Variants in EPB41L4A observed in about 807,000 individuals in gnomAD.
The protein encoded by EPB41L4A is erythrocyte membrane protein band 4.1 like 4A.
Under a neutral mutation model 108.6 loss-of-function variants are expected in EPB41L4A, and 100 were observed. The ratio of observed to expected loss-of-function variants is 0.92; its 90% confidence interval spans 0.78 to 1.09. EPB41L4A has a LOEUF of 1.09. EPB41L4A is among the 50% of genes least tolerant of loss of function. The pLI is 0.00. For synonymous variants in EPB41L4A, 319 were observed against 289.0 expected, an observed-to-expected ratio of 1.10 and a Z score of -1.05; for missense variants, 1,030 against 842.7, an observed-to-expected ratio of 1.22 and a Z score of -2.75.
At chr5:112,367,654 G>A (rs1239866969) in intron 1 of EPB41L4A, among the ~76,000 whole-genome samples, 2 of 152,154 alleles carry the variant, frequency 1.3e-5, no homozygotes, top group South Asian at 2.1e-4. Context: ...CAGCAAGTGC[G>A]TCACAAATTC....
intron 12 of EPB41L4A, 117 bp downstream of exon 12, chr5:112,234,517 T>C: frequency 1.1e-6 from 1 of 932,446 alleles, no homozygotes; most frequent in South Asian, 3.7e-5. Context: ...AAAATTTTAA[T>C]ATTGGAAATT....
intron 1 of EPB41L4A, among the ~76,000 whole-genome samples, chr5:112,379,675 C>A (rs1760039846): frequency 6.6e-6 from 1 of 152,304 alleles, no homozygotes; most frequent in East Asian, 1.9e-4. Flanking sequence ...ACGACCAACA[C>A]TTAACATAAA....
At chr5:112,360,290 CTCTCCCCTTTGCACGG>C (rs1009270628) in intron 1 of EPB41L4A, among the ~76,000 whole-genome samples, 21 of 152,238 alleles carry the variant, frequency 1.4e-4, no homozygotes, top group Admixed American at 5.2e-4. Flanking sequence ...ACCCTCTCCC[CTCTCCCCTTTGCACGG>C]TCTCCCTCTG....
intron 1 of EPB41L4A, among the ~76,000 whole-genome samples, chr5:112,377,128 C>T (rs534585458): frequency 2.7e-5 from 4 of 150,614 alleles, no homozygotes; most frequent in African/African-American, 4.9e-5. Context: ...TCACTCAAGC[C>T]GTGGGGGTCA....
intron 2 of EPB41L4A, among the ~76,000 whole-genome samples, chr5:112,300,919 G>C (rs1561551826): frequency 6.6e-6 from 1 of 151,922 alleles, no homozygotes; most frequent in Non-Finnish European, 1.5e-5. Context: ...TCTTTATTCT[G>C]CTTGTTCGAG....
chr5:112,251,609 G>A (rs1750677127), intron 9 of EPB41L4A, among the ~76,000 whole-genome samples: 1 of 152,138 alleles, frequency 6.6e-6, no homozygotes, highest in Admixed American at 6.6e-5. Context: ...GAAACACAGG[G>A]AGGATTAACC....
At chr5:112,278,137 T>C (rs1286053817) in intron 3 of EPB41L4A, among the ~76,000 whole-genome samples, 1 of 152,232 alleles carries the variant, frequency 6.6e-6, no homozygotes, top group African/African-American at 2.4e-5. Context: ...CTATTAGAGA[T>C]TTGATAGCCA....
chr5:112,297,312 A>T (rs1754058612), intron 2 of EPB41L4A, among the ~76,000 whole-genome samples: 1 of 151,786 alleles, frequency 6.6e-6, no homozygotes, highest in South Asian at 2.1e-4. Context: ...TTATTTTTTT[A>T]TTTTTTTGAT....
intron 9 of EPB41L4A, among the ~76,000 whole-genome samples, chr5:112,243,527 T>C (rs550921478): frequency 2.0e-5 from 3 of 152,294 alleles, no homozygotes; most frequent in Admixed American, 6.5e-5. Flanking sequence ...CTTCTCGTTA[T>C]AGCTATGAAA....
chr5:112,159,785 T>C (rs1472597238), downstream of EPB41L4A, among the ~76,000 whole-genome samples: 1 of 152,222 alleles, frequency 6.6e-6, no homozygotes, highest in Non-Finnish European at 1.5e-5. Flanking sequence ...ACCGGATTTT[T>C]ATGACTTAGT....
At chr5:112,176,724 T>G (rs1032572582) in intron 18 of EPB41L4A, among the ~76,000 whole-genome samples, 1 of 150,694 alleles carries the variant, frequency 6.6e-6, no homozygotes, top group Non-Finnish European at 1.5e-5. Context: ...CTCAATCTGC[T>G]TTTTACCCAC....
intron 12 of EPB41L4A, chr5:112,228,426 T>A (rs188811536): frequency 6.6e-6 from 1 of 152,396 alleles, no homozygotes; most frequent in African/African-American, 2.4e-5. Context: ...CCTTATGCAC[T>A]CTGTTTGCAG....
At chr5:112,380,610 A>T (rs1329318822) in intron 1 of EPB41L4A, among the ~76,000 whole-genome samples, 1 of 152,164 alleles carries the variant, frequency 6.6e-6, no homozygotes, top group East Asian at 1.9e-4. Flanking sequence ...TCCCTAGAGA[A>T]TAACTTCAAA....
chr5:112,339,478 A>ATCTATATATC, intron 1 of EPB41L4A, among the ~76,000 whole-genome samples: 2 of 32,500 alleles, frequency 6.2e-5, no homozygotes, highest in African/African-American at 2.6e-4. Context: ...ATATATCTAT[A>ATCTATATATC]TATATATATA....
At chr5:112,246,881 T>C (rs959042335) in intron 9 of EPB41L4A, among the ~76,000 whole-genome samples, 28 of 152,168 alleles carry the variant, frequency 1.8e-4, no homozygotes, top group African/African-American at 6.5e-4. Context: ...TCAACTCCCA[T>C]CTTTTGCCCT....
intron 12 of EPB41L4A, among the ~76,000 whole-genome samples, chr5:112,225,802 G>A (rs1243331366): frequency 6.6e-6 from 1 of 152,172 alleles, no homozygotes; most frequent in Non-Finnish European, 1.5e-5. Context: ...ACATACAAAT[G>A]TAACACATTC....
intron 15 of EPB41L4A, among the ~76,000 whole-genome samples, chr5:112,204,078 C>T (rs1008501935): frequency 6.6e-5 from 10 of 150,458 alleles, no homozygotes; most frequent in African/African-American, 2.4e-4. Context: ...TTGTAATATA[C>T]TATATATAAT....
At chr5:112,215,558 C>G (rs1043119966) in intron 12 of EPB41L4A, among the ~76,000 whole-genome samples, 4 of 151,888 alleles carry the variant, frequency 2.6e-5, no homozygotes, top group Admixed American at 6.6e-5. Context: ...GTCAGGAGAT[C>G]GAGACCATTC....
In EPB41L4A at chr5:112,356,185, C is replaced by T. The variant is rs139099275; in HGVS notation, c.100-48695G>A. Among the ~76,000 whole-genome samples, 61 of 152,148 alleles carry T rather than the reference C, an allele frequency of 4.0e-4. 1 individual carries two copies. Among genetic ancestry groups the T allele is most frequent in the African/African-American group, 1.3e-3 (56 of 41,512 alleles). Reference sequence around the variant, plus strand: ...TAGAAGTCCCACAATGGCTCCCTGACGATGGAATATGGGCTATTACAACAG... The same window carrying T: ...TAGAAGTCCCACAATGGCTCCCTGATGATGGAATATGGGCTATTACAACAG... On this transcript the variant is annotated intron_variant, in intron 1 of 22. Coordinates refer to ENST00000261486, the MANE Select transcript of EPB41L4A (RefSeq NM_022140.5).
Sources: allele counts gnomAD v4.1 joint callset (sites outside exome capture counted in the v4.1 genomes callset), GRCh38; gene constraint gnomAD v4.1.1; transcripts MANE v1.5; gene names NCBI Gene and HGNC (gene_info 2026-07-23, HGNC 2026-07-21).